The following ADAM29 variants were observed in gnomAD, a reference collection of about 807,000 sequenced individuals.
ADAM29 encodes ADAM metallopeptidase domain 29.
For missense variants in ADAM29, 969 were observed against 1,001.8 expected (o/e 0.97, Z 0.44); for synonymous variants, 367 against 342.3 (o/e 1.07, Z -0.80).
At chr4:174,933,980 G>T (rs978921296) in intron 3 of ADAM29, among the ~76,000 whole-genome samples, 17 of 152,220 alleles carry the variant, frequency 1.1e-4, no homozygotes, top group African/African-American at 4.1e-4. Flanking sequence ...ATATTCCTCT[G>T]GGGTATACCC....
intron 4 of ADAM29, among the ~76,000 whole-genome samples, chr4:174,940,559 C>T (rs572501613): frequency 6.6e-6 from 1 of 151,596 alleles, no homozygotes; most frequent in East Asian, 1.9e-4. Flanking sequence ...TCTTTGAAGC[C>T]TCTCTGACTT....
At chr4:174,919,628 T>G (rs1258179428) in intron 1 of ADAM29, among the ~76,000 whole-genome samples, 2 of 152,160 alleles carry the variant, frequency 1.3e-5, no homozygotes, top group Non-Finnish European at 2.9e-5. Context: ...TTTTAGAGGC[T>G]CCCCCTCTTT....
At chr4:174,941,623 C>T (rs2110975575) in intron 4 of ADAM29, among the ~76,000 whole-genome samples, 1 of 152,216 alleles carries the variant, frequency 6.6e-6, no homozygotes, top group Admixed American at 6.5e-5. Flanking sequence ...GGGAGAAGTT[C>T]ACCCCCATGA....
intron 4 of ADAM29, among the ~76,000 whole-genome samples, chr4:174,937,351 T>C (rs1744260629): frequency 6.6e-6 from 1 of 152,078 alleles, no homozygotes; most frequent in African/African-American, 2.4e-5. Flanking sequence ...ATCATCAATT[T>C]TCCATTCTAT....
At chr4:174,936,187 C>T (rs1744186186) in intron 3 of ADAM29, among the ~76,000 whole-genome samples, 1 of 151,992 alleles carries the variant, frequency 6.6e-6, no homozygotes, top group Non-Finnish European at 1.5e-5. Context: ...ATCCAGCAAT[C>T]AACTTGCATT....
rs759797516 is a variant in ADAM29, at chr4:174,976,586, G to A, written c.1061G>A (p.Cys354Tyr). 1.2e-6 allele frequency: 2 copies of A among 1,603,936 alleles called. No homozygotes were observed. Among genetic ancestry groups the A allele is most frequent in the Admixed American group, 1.7e-5 (1 of 59,320 alleles). ...EDTCRCSQPR[C>Y]IMHEGNPPIT... ...ACATGTCGTTGTTCACAACCTAGATGCATAATGCATGAAGGCAACCCACCA... is the reference window on the plus strand; with the variant it reads ...ACATGTCGTTGTTCACAACCTAGATACATAATGCATGAAGGCAACCCACCA... Residue 354 changes from cysteine (C) to tyrosine (Y), a missense_variant, in exon 5 of 5, where the codon TGC (cysteine) becomes TAC (tyrosine). By Grantham distance (194) the Cys-to-Tyr change is radical (BLOSUM62 -2). Coordinates refer to ENST00000359240, the MANE Select transcript of ADAM29 (RefSeq NM_014269.4).
At chr4:174,955,134 T>G (rs926802381) in intron 4 of ADAM29, among the ~76,000 whole-genome samples, 4 of 152,120 alleles carry the variant, frequency 2.6e-5, no homozygotes, top group African/African-American at 9.6e-5. Context: ...AGAGCTAGGT[T>G]GTCTTGCTTA....
Position 174,975,976 on chromosome 4 carries a change from A to G in ADAM29, c.451A>G (p.Lys151Glu). ...TACCACGTTTGAACATCTGGTATAC[A>G]AGATGGACAGTGAGGAGAAACAATT... ...FSTTFEHLVY[K>E]MDSEEKQFST... The change falls in exon 5 of 5, where the codon AAG (lysine) becomes GAG (glutamate). Residue 151 changes from lysine to glutamate, a missense_variant. Coordinates refer to ENST00000359240, the MANE Select transcript of ADAM29 (RefSeq NM_014269.4). The G allele has an allele frequency of 6.2e-7, 1 of 1,614,102 alleles. No homozygotes were observed. The highest frequency in any genetic ancestry group is 8.5e-7 in the Non-Finnish European group (1 of 1,180,002).
chr4:174,971,986 C>T (rs1259222643), intron 4 of ADAM29, among the ~76,000 whole-genome samples: 1 of 152,172 alleles, frequency 6.6e-6, no homozygotes, highest in Non-Finnish European at 1.5e-5. Flanking sequence ...CTGAAGCTCT[C>T]TATTAAATAA....
intron 2 of ADAM29, among the ~76,000 whole-genome samples, chr4:174,929,820 G>C (rs1196178001): frequency 2.7e-5 from 4 of 150,134 alleles, no homozygotes; most frequent in East Asian, 2.0e-4. Context: ...GCAGTGGCGC[G>C]ATCTCAGCTC....
chr4:174,925,227 A>G (rs1454174822), intron 2 of ADAM29, among the ~76,000 whole-genome samples: 4 of 152,186 alleles, frequency 2.6e-5, no homozygotes. Context: ...AAAATTAAGG[A>G]AATCTGACAA....
At chr4:174,920,545 G>C (rs1231108212) in intron 1 of ADAM29, 142 bp from the exon 2 acceptor site, 1 of 151,988 alleles carries the variant, frequency 6.6e-6, no homozygotes, top group African/African-American at 2.4e-5. Context: ...ATTTAATCTT[G>C]ATTTGTTTGT....
At chr4:174,941,536 A>C (rs899387390) in intron 4 of ADAM29, among the ~76,000 whole-genome samples, 2 of 152,158 alleles carry the variant, frequency 1.3e-5, no homozygotes, top group Non-Finnish European at 2.9e-5. Flanking sequence ...CTCACATGGC[A>C]GCAGGGAGCA....
chr4:174,941,830 C>G (rs1235036943), intron 4 of ADAM29, among the ~76,000 whole-genome samples: 1 of 152,028 alleles, frequency 6.6e-6, no homozygotes, highest in Non-Finnish European at 1.5e-5. Context: ...CTCAAAAGTC[C>G]AAGTTCAAAT....
chr4:174,922,014 C>T (rs1481927567), intron 2 of ADAM29, among the ~76,000 whole-genome samples: 2 of 152,196 alleles, frequency 1.3e-5, no homozygotes, highest in East Asian at 3.9e-4. Flanking sequence ...ATTGAGTCTC[C>T]AACTACTAAA....
chr4:174,977,333 A>G lies in ADAM29; in HGVS notation c.1808A>G (p.Glu603Gly), dbSNP rs544682983. The G allele has an allele frequency of 6.2e-7, 1 of 1,613,604 alleles. No homozygotes were observed. Among genetic ancestry groups the G allele is most frequent in the South Asian group, 1.1e-5 (1 of 91,072 alleles). Residue 603 changes from glutamate (E) to glycine (G), a missense_variant, in exon 5 of 5, where the codon GAG becomes GGG. Coordinates refer to ENST00000359240, the MANE Select transcript of ADAM29 (RefSeq NM_014269.4). ...ATTGGTGAAGTGAAAGATGGAACAG[A>G]GTGTGGGATAGATCATATATGCATC... ...PDIGEVKDGT[E>G]CGIDHICIHR...
intron 4 of ADAM29, among the ~76,000 whole-genome samples, chr4:174,951,406 C>A (rs1449116103): frequency 1.3e-5 from 2 of 152,180 alleles, no homozygotes; most frequent in Non-Finnish European, 2.9e-5. Flanking sequence ...TAGAAATAAA[C>A]TTCTCTGATT....
At chr4:174,955,043 T>G (rs1022638212) in intron 4 of ADAM29, among the ~76,000 whole-genome samples, 1 of 151,664 alleles carries the variant, frequency 6.6e-6, no homozygotes, top group Non-Finnish European at 1.5e-5. Context: ...CAGCAGCAAA[T>G]AAAACTAATA....
intron 4 of ADAM29, among the ~76,000 whole-genome samples, chr4:174,938,444 T>C (rs1369162197): frequency 1.3e-5 from 2 of 152,134 alleles, no homozygotes; most frequent in African/African-American, 2.4e-5. Flanking sequence ...GGTGGATTTC[T>C]TAAGGTTTTA....
Sources: allele counts gnomAD v4.1 joint callset (sites outside exome capture counted in the v4.1 genomes callset), GRCh38; gene constraint gnomAD v4.1.1; transcripts MANE v1.5; gene names NCBI Gene and HGNC (gene_info 2026-07-23, HGNC 2026-07-21).